The following SNRNP40 variants were observed in gnomAD, a reference collection of about 807,000 sequenced individuals.
SNRNP40 encodes the protein U5 small nuclear ribonucleoprotein 40 kDa protein.
In SNRNP40, 21 loss-of-function variants were observed where a neutral mutation model predicts 45.8. That is an observed-to-expected ratio of 0.46 (90% CI 0.32 to 0.66). SNRNP40 has a LOEUF of 0.66. SNRNP40 is among the 30% of genes least tolerant of loss of function. The pLI, the probability that SNRNP40 is intolerant of heterozygous loss-of-function variation, is 0.03. For synonymous variants in SNRNP40, 142 were observed against 163.8 expected (o/e 0.87, Z 1.01); for missense variants, 344 against 439.1 (o/e 0.78, Z 1.94).
In SNRNP40 at chr1:31,260,661, A is replaced by T. The variant is rs549775220; in HGVS notation, c.1025-540T>A. ...TGGATTACCAGAGGTCAGGAGTTTG[A>T]GACCAGCCTGGCCAACATGGTGAAA... On this transcript the variant is annotated intron_variant, in intron 9 of 9. Coordinates refer to ENST00000263694, the MANE Select transcript of SNRNP40 (RefSeq NM_004814.3). Among the ~76,000 whole-genome samples the T allele has an allele frequency of 1.7e-3, 250 of 148,708 alleles. 1 individual carries two copies. The highest frequency in any genetic ancestry group is 2.9e-3 in the Non-Finnish European group (195 of 66,388).
At chr1:31,272,171 CATT>C (rs1569643625) in intron 5 of SNRNP40, among the ~76,000 whole-genome samples, 1 of 152,014 alleles carries the variant, frequency 6.6e-6, no homozygotes, top group East Asian at 1.9e-4. Context: ...TTAAAAAAGG[CATT>C]ATGATTACAT....
At position 31,281,483 on chromosome 1, in the gene SNRNP40, C is replaced by T. The variant is rs773903683; in HGVS notation, c.545G>A (p.Arg182Gln). The change falls in exon 5 of 10, where the codon CGG becomes CAG. Residue 182 changes from arginine (R) to glutamine (Q), a missense_variant. Physicochemically the swap from Arg to Gln is conservative, Grantham distance 43. This residue lies in a region of SNRNP40 where 254 missense variants were observed against 380.2 expected (regional missense o/e 0.67). Transcript: ENST00000263694. ...DDGTVKLWDI[R>Q]KKAAIQTFQN... The stretch of plus-strand genomic sequence containing the variant: ...AAATGTCTGGATGGCTGCTTTCTTC[C>T]GGATGTCCCAAAGCTGAAGCAAAGG... The T allele has an allele frequency of 6.2e-6, 10 of 1,605,026 alleles. No individual in the cohort carries two copies. The highest frequency in any genetic ancestry group is 2.2e-5 in the East Asian group (1 of 44,676).
chr1:31,286,484 C>T (rs1199852727), intron 4 of SNRNP40, among the ~76,000 whole-genome samples: 1 of 152,092 alleles, frequency 6.6e-6, no homozygotes, highest in Non-Finnish European at 1.5e-5. Context: ...TGTGAACACC[C>T]TCATCACTCT....
In SNRNP40 at chr1:31,261,469, C is replaced by T. The variant is rs1345179108; in HGVS notation, c.1024+60G>A. On this transcript the variant is annotated intron_variant, in intron 9 of 9. Coordinates refer to ENST00000263694, the MANE Select transcript of SNRNP40 (RefSeq NM_004814.3). Reference sequence around the variant, plus strand: ...AGATACCCGCTTTTGACTCTCTATTCCCAGGATCCCTACGGGGAGATTTCC... The same window carrying T: ...AGATACCCGCTTTTGACTCTCTATTTCCAGGATCCCTACGGGGAGATTTCC... The T allele has an allele frequency of 2.7e-6, 3 of 1,125,328 alleles. No homozygotes were observed. In the East Asian group the frequency reaches 7.1e-5, roughly 26 times the overall value. The allele number at this position is 1,125,328 out of a possible 1,614,324, so 69.7% of individuals were successfully genotyped here.
At chr1:31,282,722 C>CCGGAGTG (rs1183104030) in intron 4 of SNRNP40, among the ~76,000 whole-genome samples, 9 of 152,058 alleles carry the variant, frequency 5.9e-5, no homozygotes, top group African/African-American at 2.2e-4. Context: ...GTCACCCAGG[C>CCGGAGTG]CGGAGTGCGG....
At chr1:31,265,402 T>C (rs1645888983) in intron 8 of SNRNP40, among the ~76,000 whole-genome samples, 1 of 151,946 alleles carries the variant, frequency 6.6e-6, no homozygotes, top group Non-Finnish European at 1.5e-5. Context: ...AGTGTTGGGA[T>C]TAAAGGTGTG....
chr1:31,288,330 T>C (rs572106644), intron 4 of SNRNP40, among the ~76,000 whole-genome samples: 1 of 152,348 alleles, frequency 6.6e-6, no homozygotes, highest in Admixed American at 6.5e-5. Context: ...TGGTTGGTAC[T>C]ATGATGTACT....
At chr1:31,279,068 A>T (rs1261777760) in intron 5 of SNRNP40, among the ~76,000 whole-genome samples, 6 of 149,172 alleles carry the variant, frequency 4.0e-5, no homozygotes, top group African/African-American at 1.6e-4. Context: ...AAACCAGACT[A>T]TTAGGAATGA....
chr1:31,295,635 A>C (rs535535035), intron 1 of SNRNP40, among the ~76,000 whole-genome samples: 13 of 152,324 alleles, frequency 8.5e-5, no homozygotes, highest in African/African-American at 2.9e-4. Flanking sequence ...AATTACAAGA[A>C]TTTTGGTTTT....
chr1:31,277,734 G>A (rs887667314), intron 5 of SNRNP40, among the ~76,000 whole-genome samples: 7 of 152,090 alleles, frequency 4.6e-5, no homozygotes, highest in African/African-American at 1.7e-4. Context: ...TCTCTCTGTC[G>A]TCTAGGCTGG....
intron 7 of SNRNP40, among the ~76,000 whole-genome samples, chr1:31,268,749 G>A (rs1645916767): frequency 6.6e-6 from 1 of 152,224 alleles, no homozygotes; most frequent in African/African-American, 2.4e-5. Flanking sequence ...ACTGAGGGAA[G>A]AGATGTATTC....
In SNRNP40 at chr1:31,296,714, G is replaced by A. The variant is rs777855338; in HGVS notation, c.38C>T (p.Pro13Leu). The A allele has an allele frequency of 1.6e-5, 26 of 1,613,394 alleles. No individual in the cohort carries two copies. The highest frequency in any genetic ancestry group is 1.9e-5 in the Non-Finnish European group (22 of 1,179,736). The change falls in exon 1 of 10, where the codon CCG (proline) becomes CTG (leucine). Residue 13 changes from proline to leucine, a missense_variant. By Grantham distance (98) the Pro-to-Leu change is moderately conservative. This residue lies in a region of SNRNP40 where 90 missense variants were observed against 58.9 expected (regional missense o/e 1.53). Coordinates refer to ENST00000263694, the MANE Select transcript of SNRNP40 (RefSeq NM_004814.3). ...CCGCTGCCGCTTGACTGGAACCAGC[G>A]GCAACTCTGGGCCCTTACGCTTCTG... ...EQQKRKGPELPLVPVKRQRHE... is the reference protein window; with the variant it reads ...EQQKRKGPELLLVPVKRQRHE...
At chr1:31,282,601 ATCTATCTATCTATCTT>A (rs1054616786) in intron 4 of SNRNP40, 8 of 145,590 alleles carry the variant, frequency 5.5e-5, no homozygotes, top group African/African-American at 1.5e-4. Context: ...CTATCTATCT[ATCTATCTATCTATCTT>A]TCTATCATCT....
At chr1:31,263,077 T>C (rs986011281) in intron 8 of SNRNP40, among the ~76,000 whole-genome samples, 17 of 152,274 alleles carry the variant, frequency 1.1e-4, no homozygotes, top group Non-Finnish European at 4.4e-5. Context: ...TTTAAGCTTC[T>C]TTCTACTGAA....
chr1:31,261,361 A>G (rs1402175263), intron 9 of SNRNP40, among the ~76,000 whole-genome samples, 168 bp downstream of exon 9: 1 of 152,110 alleles, frequency 6.6e-6, no homozygotes, highest in Non-Finnish European at 1.5e-5. Context: ...AAACAAAACA[A>G]AACAAAACCC....
At chr1:31,261,186 CAAA>C (rs35456520) in intron 9 of SNRNP40, 436 of 263,880 alleles carry the variant, frequency 1.7e-3, no homozygotes, top group Non-Finnish European at 2.1e-3. Flanking sequence ...ACTAAAAATA[CAAA>C]AAAAAAAAAA....
Position 31,259,877 on chromosome 1 carries a change from C to T in SNRNP40, c.*195G>A, listed in dbSNP as rs1645845932. The T allele has an allele frequency of 1.4e-6, 1 of 698,766 alleles. No homozygotes were observed. 43.3% of individuals were successfully genotyped at this position (698,766 alleles called of 1,614,324 possible). Reference sequence around the variant, plus strand: ...AATCTGGCAGGTGGTTTTTAGAGGCCACAGGGAGCTTGCCTTAGTCATCCT... The same window carrying T: ...AATCTGGCAGGTGGTTTTTAGAGGCTACAGGGAGCTTGCCTTAGTCATCCT... On this transcript the variant is annotated 3_prime_UTR_variant, in exon 10 of 10. Transcript: ENST00000263694.
Position 31,259,805 on chromosome 1 carries a change from AT to A in SNRNP40, c.*266del. 1.6e-6 allele frequency: 1 copy of A among 615,094 alleles called. No individual in the cohort carries two copies. The highest frequency in any genetic ancestry group is 3.0e-6 in the Non-Finnish European group (1 of 335,852). 38.1% of individuals were successfully genotyped at this position (615,094 alleles called of 1,614,324 possible). A position where few individuals can be genotyped will look rare whatever the true frequency, so the allele number is the denominator to read the frequency against. ...AACAAATTTGTCACATTGGGCCTGCATTAGAAAACAGGAAAAAAGAAAAAGA... is the reference window on the plus strand; with the variant it reads ...AACAAATTTGTCACATTGGGCCTGCATAGAAAACAGGAAAAAAGAAAAAGA... On this transcript the variant is annotated 3_prime_UTR_variant, in exon 10 of 10. Coordinates refer to ENST00000263694, the MANE Select transcript of SNRNP40 (RefSeq NM_004814.3).
chr1:31,296,090 G>A (rs1318747335), intron 1 of SNRNP40, among the ~76,000 whole-genome samples: 1 of 152,148 alleles, frequency 6.6e-6, no homozygotes, highest in African/African-American at 2.4e-5. Context: ...CTAACAGGCT[G>A]CTACCAAGAT....
Sources: allele counts gnomAD v4.1 joint callset (sites outside exome capture counted in the v4.1 genomes callset), GRCh38; gene constraint gnomAD v4.1.1; regional missense constraint gnomAD v4.1.1; transcripts MANE v1.5; gene names NCBI Gene and HGNC (gene_info 2026-07-23, HGNC 2026-07-21).